The following DNAH11 variants were observed in gnomAD, a reference collection of about 807,000 sequenced individuals.
The protein encoded by DNAH11 is axonemal beta dynein heavy chain 11.
A neutral mutation model predicts 526.0 loss-of-function variants in DNAH11; 442 were observed. That is an observed-to-expected ratio of 0.84 (90% CI 0.78 to 0.91). DNAH11 has a LOEUF of 0.91. Among genes scored for constraint, DNAH11 ranks in the 40% least tolerant of loss-of-function variants. The probability of loss-of-function intolerance (pLI) is 0.00; values close to 1 mark genes in which losing one functional copy is unlikely to be tolerated. For missense variants in DNAH11, 6,989 were observed against 5,448.7 expected (o/e 1.28, Z -8.90); for synonymous variants, 2,461 against 1,935.9 (o/e 1.27, Z -7.12).
intron 28 of DNAH11, among the ~76,000 whole-genome samples, chr7:21,649,947 G>A (rs1207204624): frequency 6.6e-6 from 1 of 152,058 alleles, no homozygotes; most frequent in Non-Finnish European, 1.5e-5. Context: ...TTACACACGT[G>A]AGCCCCCATG....
chr7:21,583,971 CTG>C (rs1359788523), intron 9 of DNAH11, among the ~76,000 whole-genome samples: 1 of 152,184 alleles, frequency 6.6e-6, no homozygotes, highest in Non-Finnish European at 1.5e-5. Context: ...TGCTTTTACA[CTG>C]TTGGTGGGAG....
intron 74 of DNAH11, among the ~76,000 whole-genome samples, chr7:21,875,052 A>G (rs888318844): frequency 1.3e-5 from 2 of 152,234 alleles, no homozygotes; most frequent in African/African-American, 4.8e-5. Context: ...ACCTAAGAAT[A>G]CAGTGTTGAA....
intron 44 of DNAH11, among the ~76,000 whole-genome samples, chr7:21,724,930 C>T (rs1484798313): frequency 6.6e-6 from 1 of 151,930 alleles, no homozygotes; most frequent in African/African-American, 2.4e-5. Flanking sequence ...GCCAGATCAT[C>T]CTGTGGACAT....
At chr7:21,730,217 G>C (rs1471553698) in intron 45 of DNAH11, among the ~76,000 whole-genome samples, 1 of 152,180 alleles carries the variant, frequency 6.6e-6, no homozygotes, top group Non-Finnish European at 1.5e-5. Context: ...CCAAGATATG[G>C]AGTTAACCTA....
intron 62 of DNAH11, among the ~76,000 whole-genome samples, chr7:21,806,495 A>C (rs865869225): frequency 6.6e-6 from 1 of 152,196 alleles, no homozygotes; most frequent in Non-Finnish European, 1.5e-5. Context: ...AACCACTTTG[A>C]TAACCATTTT....
intron 2 of DNAH11, among the ~76,000 whole-genome samples, chr7:21,553,514 C>A (rs1029267130): frequency 6.6e-6 from 1 of 152,188 alleles, no homozygotes; most frequent in Non-Finnish European, 1.5e-5. Context: ...CGGGTCCCAC[C>A]TTCAGATTTA....
chr7:21,717,303 G>T (rs1358843946), intron 42 of DNAH11, among the ~76,000 whole-genome samples: 4 of 151,942 alleles, frequency 2.6e-5, no homozygotes, highest in African/African-American at 7.2e-5. Context: ...GTTACATTCA[G>T]TCCATTGAAA....
intron 65 of DNAH11, among the ~76,000 whole-genome samples, chr7:21,830,895 CT>C (rs1343575109): frequency 7.2e-5 from 11 of 152,148 alleles, no homozygotes; most frequent in Non-Finnish European, 1.5e-5. Flanking sequence ...AATTTTATTT[CT>C]GTTCTGAGAT....
intron 45 of DNAH11, among the ~76,000 whole-genome samples, chr7:21,727,294 A>G (rs1251662962): frequency 2.0e-5 from 3 of 152,164 alleles, no homozygotes; most frequent in Non-Finnish European, 4.4e-5. Context: ...AAATGTAAAG[A>G]AATAATAATT....
At chr7:21,668,185 C>G (rs1782495079) in intron 30 of DNAH11, among the ~76,000 whole-genome samples, 1 of 152,062 alleles carries the variant, frequency 6.6e-6, no homozygotes, top group Admixed American at 6.6e-5. Flanking sequence ...GGAGCCAGTC[C>G]TTATGGGTCT....
At position 21,586,558 on chromosome 7, in the gene DNAH11, G is replaced by A. The variant is rs911588993; in HGVS notation, c.1711-1506G>A. Among the ~76,000 whole-genome samples the A allele has an allele frequency of 3.3e-5, 5 of 152,092 alleles. No individual in the cohort carries two copies. In the East Asian group the frequency reaches 9.7e-4, roughly 29 times the overall value. ...ATTTTAGTTTCTATAATTTTTTCAT[G>A]GTAATTTTATTTTCAGTGAATGTAG... On this transcript the variant is annotated intron_variant, in intron 9 of 81. Transcript: ENST00000409508.
intron 6 of DNAH11, among the ~76,000 whole-genome samples, chr7:21,565,943 G>A (rs1304562810): frequency 2.6e-5 from 4 of 152,082 alleles, no homozygotes; most frequent in Non-Finnish European, 5.9e-5. Flanking sequence ...ACTCTGTTGG[G>A]CAAACTCAGT....
chr7:21,594,726 G>C (rs1276217222), intron 14 of DNAH11, among the ~76,000 whole-genome samples: 1 of 152,072 alleles, frequency 6.6e-6, no homozygotes, highest in East Asian at 1.9e-4. Flanking sequence ...TCGAGGAGGA[G>C]CAGGGAAGTA....
chr7:21,842,110 A>G (rs1782224627), intron 65 of DNAH11, among the ~76,000 whole-genome samples: 1 of 152,192 alleles, frequency 6.6e-6, no homozygotes, highest in African/African-American at 2.4e-5. Context: ...TGTGACCAGG[A>G]ACATGCCATA....
At chr7:21,674,389 C>T (rs534711578) in intron 30 of DNAH11, among the ~76,000 whole-genome samples, 1 of 151,552 alleles carries the variant, frequency 6.6e-6, no homozygotes, top group Non-Finnish European at 1.5e-5. Context: ...GAAACAGGGT[C>T]TCGCTCTGTC....
At chr7:21,845,258 T>G (rs1782375757) in intron 66 of DNAH11, among the ~76,000 whole-genome samples, 1 of 152,212 alleles carries the variant, frequency 6.6e-6, no homozygotes, top group Admixed American at 6.5e-5. Flanking sequence ...TTTTCTTGCT[T>G]GTTTTTTGGT....
At chr7:21,648,063 T>C (rs1279583189) in intron 28 of DNAH11, among the ~76,000 whole-genome samples, 1 of 152,092 alleles carries the variant, frequency 6.6e-6, no homozygotes, top group Admixed American at 6.5e-5. Flanking sequence ...CATAGAAACA[T>C]TGAAATAATA....
At chr7:21,707,271 G>T (rs1784305361) in intron 39 of DNAH11, among the ~76,000 whole-genome samples, 1 of 152,206 alleles carries the variant, frequency 6.6e-6, no homozygotes, top group Admixed American at 6.5e-5. Flanking sequence ...TAGAAGCTCT[G>T]GGATTGGGCT....
intron 22 of DNAH11, 108 bp downstream of exon 22, chr7:21,616,400 T>A: frequency 1.2e-6 from 1 of 809,696 alleles, no homozygotes; most frequent in South Asian, 2.3e-5. Context: ...ACTTATTTAC[T>A]TCTAACAGAG....
Sources: allele counts gnomAD v4.1 joint callset (sites outside exome capture counted in the v4.1 genomes callset), GRCh38; gene constraint gnomAD v4.1.1; transcripts MANE v1.5; gene names NCBI Gene and HGNC (gene_info 2026-07-23, HGNC 2026-07-21).